CFTR: variants seen among roughly 807,000 people sequenced by gnomAD.
The protein encoded by CFTR is cystic fibrosis transmembrane conductance regulator.
A neutral mutation model predicts 171.6 loss-of-function variants in CFTR; 181 were observed. That is an observed-to-expected ratio of 1.05 (90% confidence interval 0.93 to 1.19). The LOEUF (loss-of-function observed/expected upper bound fraction) is 1.19, where lower values mean the gene tolerates loss of function less well. Among genes scored for constraint, CFTR ranks in the 50% most tolerant of loss-of-function variants. CFTR has a pLI of 0.00. For synonymous variants in CFTR, 583 were observed against 608.0 expected, an observed-to-expected ratio of 0.96 and a Z score of 0.60; for missense variants, 1,968 against 1,734.7, an observed-to-expected ratio of 1.13 and a Z score of -2.39.
intron 3 of CFTR, among the ~76,000 whole-genome samples, chr7:117,525,182 C>G (rs143431581): frequency 6.6e-6 from 1 of 152,232 alleles, no homozygotes; most frequent in Non-Finnish European, 1.5e-5. Context: ...GATGAGAGAA[C>G]TATAATATTC....
rs1036242403 is a variant in CFTR at position 117,526,275 on chromosome 7, C to G, written c.274-4624C>G. 1.6e-4 allele frequency among the ~76,000 whole-genome samples: 23 copies of G among 145,688 alleles called. No individual in the cohort carries two copies. The South Asian group carries it at 5.4e-3, about 34-fold the overall frequency. Reference sequence around the variant, plus strand: ...TCCTGAATGACTACTGGGTACATAACGAAATGAAGACAGAAATAAAGATGT... The same window carrying G: ...TCCTGAATGACTACTGGGTACATAAGGAAATGAAGACAGAAATAAAGATGT... On this transcript the variant is annotated intron_variant, in intron 3 of 26. Coordinates refer to ENST00000003084, the MANE Select transcript of CFTR (RefSeq NM_000492.4).
At chr7:117,546,526 A>G (rs1378857383) in intron 9 of CFTR, among the ~76,000 whole-genome samples, 1 of 152,136 alleles carries the variant, frequency 6.6e-6, no homozygotes, top group Non-Finnish European at 1.5e-5. Context: ...TTGAAATGTT[A>G]AACATAGTTC....
At chr7:117,486,209 G>A (rs554381845) in intron 1 of CFTR, among the ~76,000 whole-genome samples, 1 of 152,150 alleles carries the variant, frequency 6.6e-6, no homozygotes, top group Non-Finnish European at 1.5e-5. Context: ...AGCTATGCCT[G>A]GATATAGCCA....
chr7:117,519,192 C>T (rs1035540538), intron 3 of CFTR, among the ~76,000 whole-genome samples: 3 of 151,792 alleles, frequency 2.0e-5, no homozygotes, highest in Admixed American at 2.0e-4. Context: ...TGTATTTTTG[C>T]AAAAACTATA....
chr7:117,524,639 T>A (rs1480066557), intron 3 of CFTR, among the ~76,000 whole-genome samples: 2 of 152,056 alleles, frequency 1.3e-5, no homozygotes, highest in African/African-American at 4.8e-5. Flanking sequence ...GAAAAAAAAA[T>A]CCTCGAATCT....
chr7:117,627,895 C>A, intron 22 of CFTR, 125 bp downstream of exon 22: 2 of 1,010,602 alleles, frequency 2.0e-6, no homozygotes, highest in Non-Finnish European at 3.1e-6. Context: ...CAATATTAAA[C>A]ACACATGTTT....
intron 1 of CFTR, among the ~76,000 whole-genome samples, chr7:117,496,159 T>G (rs1798235999): frequency 1.3e-5 from 2 of 152,100 alleles, no homozygotes; most frequent in Admixed American, 1.3e-4. Flanking sequence ...ACTTAGCATT[T>G]TTTTTCAAAG....
intron 22 of CFTR, among the ~76,000 whole-genome samples, chr7:117,630,122 A>G (rs192370705): frequency 6.6e-6 from 1 of 152,222 alleles, no homozygotes. Flanking sequence ...CTTAAGTTTC[A>G]CAGACCTTCA....
chr7:117,587,609 A>C, intron 11 of CFTR, 130 bp from the exon 12 acceptor site: 1 of 618,540 alleles, frequency 1.6e-6, no homozygotes, highest in South Asian at 2.0e-5. Context: ...ATGGAGATGC[A>C]ATGTTCAAAA....
At chr7:117,529,384 G>T (rs1267903465) in intron 3 of CFTR, among the ~76,000 whole-genome samples, 2 of 108,614 alleles carry the variant, frequency 1.8e-5, no homozygotes, top group Non-Finnish European at 3.7e-5. Context: ...GGGGAGGGGG[G>T]AGGGATAGCA....
chr7:117,480,192 A>C, intron 1 of CFTR, 45 bp downstream of exon 1: 2 of 1,584,818 alleles, frequency 1.3e-6, no homozygotes, highest in Non-Finnish European at 1.7e-6. Flanking sequence ...CGTGCCCACG[A>C]AAGAGGAGGG....
chr7:117,603,520 T>C lies in CFTR; in HGVS notation c.2658-12T>C, dbSNP rs747085503. On this transcript the variant is annotated splice_polypyrimidine_tract_variant and intron_variant, in intron 16 of 26. Coordinates refer to ENST00000003084, the MANE Select transcript of CFTR (RefSeq NM_000492.4). ...TTGGCTGCCAAATAACGATTTCCTA[T>C]TTGCTTTACAGCACTCCTCTTCAAG... 6.2e-7 allele frequency: 1 copy of C among 1,613,804 alleles called. No homozygotes were observed. Among genetic ancestry groups the C allele is most frequent in the Non-Finnish European group, 8.5e-7 (1 of 1,179,854 alleles).
In CFTR at chr7:117,484,440, G is replaced by A. The variant is rs116089572; in HGVS notation, c.53+4293G>A. ...CTTTACATCCTATAGGAATTGGAGG[G>A]GCCCACCTCTGGGATAGGAGCCCTT... On this transcript the variant is annotated intron_variant, in intron 1 of 26. Transcript: ENST00000003084. 3.9e-3 allele frequency among the ~76,000 whole-genome samples: 599 copies of A among 152,206 alleles called. 5 individuals are homozygous for A. Among genetic ancestry groups the A allele is most frequent in the African/African-American group, 0.014 (561 of 41,542 alleles).
intron 2 of CFTR, 150 bp from the exon 3 acceptor site, chr7:117,508,884 G>A (rs1033624508): frequency 1.4e-5 from 9 of 662,800 alleles, no homozygotes; most frequent in Non-Finnish European, 2.4e-5. Flanking sequence ...AGTGTTTGGT[G>A]TTGTATGGTC....
intron 3 of CFTR, among the ~76,000 whole-genome samples, chr7:117,522,943 T>G (rs1798706877): frequency 2.0e-5 from 3 of 151,998 alleles, no homozygotes; most frequent in Non-Finnish European, 4.4e-5. Flanking sequence ...GGTTTCGGAG[T>G]GCTAATTTTG....
At chr7:117,601,709 T>C (rs1383225869) in intron 15 of CFTR, among the ~76,000 whole-genome samples, 2 of 152,212 alleles carry the variant, frequency 1.3e-5, no homozygotes, top group African/African-American at 4.8e-5. Flanking sequence ...ATTTGGCTAA[T>C]TGTATAATTT....
chr7:117,573,385 C>T (rs1295629501), intron 11 of CFTR, among the ~76,000 whole-genome samples: 2 of 152,082 alleles, frequency 1.3e-5, no homozygotes, highest in Non-Finnish European at 2.9e-5. Flanking sequence ...CTCAAACAGA[C>T]CCAATGTGTT....
intron 11 of CFTR, among the ~76,000 whole-genome samples, chr7:117,578,340 TC>T (rs1262959282): frequency 6.6e-6 from 1 of 152,144 alleles, no homozygotes; most frequent in African/African-American, 2.4e-5. Context: ...CATTTCTTTT[TC>T]CCCATGGTTT....
At chr7:117,595,187 A>G in intron 15 of CFTR, 129 bp downstream of exon 15, 1 of 667,622 alleles carries the variant, frequency 1.5e-6, no homozygotes. Flanking sequence ...AAGTATGCAT[A>G]TATACACACA....
Sources: gnomAD v4.1 joint callset for allele counts (sites outside exome capture counted in the v4.1 genomes callset) on GRCh38, gnomAD v4.1.1 for gene constraint, MANE v1.5 for transcripts, NCBI Gene and HGNC (gene_info 2026-07-23, HGNC 2026-07-21) for gene names.